TRPV4: variants seen among roughly 807,000 people sequenced by gnomAD.
TRPV4 encodes the protein transient receptor potential cation channel subfamily V member 4.
In TRPV4, 58 loss-of-function variants were observed where a neutral mutation model predicts 84.1. The observed-to-expected ratio is 0.69, with a 90% CI of 0.56 to 0.86. The LOEUF (loss-of-function observed/expected upper bound fraction) is 0.86. TRPV4 is among the 40% of genes least tolerant of loss of function. The pLI, the probability that TRPV4 is intolerant of heterozygous loss-of-function variation, is 0.00. For synonymous variants in TRPV4, 489 were observed against 500.9 expected, an observed-to-expected ratio of 0.98 and a Z score of 0.32; for missense variants, 879 against 1,181.1, an observed-to-expected ratio of 0.74 and a Z score of 3.75.
chr12:109,788,733 G>T lies in TRPV4; in HGVS notation c.1892-17C>A. 1.2e-6 allele frequency: 2 copies of T among 1,613,850 alleles called. No individual in the cohort carries two copies. The highest frequency in any genetic ancestry group is 8.5e-7 in the Non-Finnish European group (1 of 1,179,966). On this transcript the variant is annotated splice_polypyrimidine_tract_variant and intron_variant, in intron 12 of 15. Coordinates refer to ENST00000261740, the MANE Select transcript of TRPV4 (RefSeq NM_021625.5). ...AGACCAGGGCTGTGGGAGGATAGGG[G>T]TGGCACTCACTGAGTGTGAGCACAC...
chr12:109,798,180 C>T lies in TRPV4; in HGVS notation c.1152+434G>A, dbSNP rs1349539017. Among the ~76,000 whole-genome samples the T allele has an allele frequency of 6.6e-6, 1 of 152,196 alleles. No homozygotes were observed. The highest frequency in any genetic ancestry group is 1.5e-5 in the Non-Finnish European group (1 of 68,042). On this transcript the variant is annotated intron_variant, in intron 6 of 15. Coordinates refer to ENST00000261740, the MANE Select transcript of TRPV4 (RefSeq NM_021625.5). This position sits in a 1 kb window ranked among gnomAD's most constrained non-coding sequence, Gnocchi z 5.0. ...GTCTGGCAATAGCACAAGACGGTCCCCACCACAAAGAGCCTGCCGCCCAAA... is the reference window on the plus strand; with the variant it reads ...GTCTGGCAATAGCACAAGACGGTCCTCACCACAAAGAGCCTGCCGCCCAAA...
In TRPV4 at chr12:109,813,673, AATAG is replaced by A. The variant is rs760439965; in HGVS notation, c.386+734_386+737del. 4.9e-4 allele frequency among the ~76,000 whole-genome samples: 74 copies of A among 152,208 alleles called. 1 individual carries two copies. The highest frequency in any genetic ancestry group is 1.4e-3 in the African/African-American group (58 of 41,544). Reference sequence around the variant, plus strand: ...TGGGTAGAGTAATGGATGATGGATTAATAGATAGATGGATGATGAATAGATGGAT... The same window carrying A: ...TGGGTAGAGTAATGGATGATGGATTAATAGATGGATGATGAATAGATGGAT... On this transcript the variant is annotated intron_variant, in intron 2 of 15. Transcript: ENST00000261740.
At chr12:109,797,810 CACTT>C (rs527364102) in intron 6 of TRPV4, among the ~76,000 whole-genome samples, 154 of 152,294 alleles carry the variant, frequency 1.0e-3, no homozygotes, top group African/African-American at 3.2e-3. Context: ...ATGTAAGTGA[CACTT>C]ACTGCTTCTC....
chr12:109,789,124 T>C (rs1889882978), intron 12 of TRPV4, among the ~76,000 whole-genome samples: 1 of 152,130 alleles, frequency 6.6e-6, no homozygotes, highest in Admixed American at 6.6e-5. Context: ...GGTTCCCTGC[T>C]ACCGGGAGGG....
chr12:109,796,623 C>T lies in TRPV4; in HGVS notation c.1234G>A (p.Gly412Arg). 6.2e-7 allele frequency: 1 copy of T among 1,614,188 alleles called. No homozygotes were observed. The highest frequency in any genetic ancestry group is 8.5e-7 in the Non-Finnish European group (1 of 1,180,042). The change falls in exon 7 of 16, where the codon GGG becomes AGG. Residue 412 changes from glycine to arginine, a missense_variant. Gly to Arg is a moderately radical substitution (Grantham distance 125, BLOSUM62 -2). Coordinates refer to ENST00000261740, the MANE Select transcript of TRPV4 (RefSeq NM_021625.5). This position sits in a 1 kb window ranked among gnomAD's most constrained non-coding sequence, Gnocchi z 4.2. Reference protein sequence around the residue: ...LSRKFKDWAYGPVYSSLYDLS... With the variant: ...LSRKFKDWAYRPVYSSLYDLS... Reference sequence around the variant, plus strand: ...TCATAAAGCGAGGAATACACTGGCCCATAGGCCCAGTCCTTGAACTTGCGG... The same window carrying T: ...TCATAAAGCGAGGAATACACTGGCCTATAGGCCCAGTCCTTGAACTTGCGG...
intron 3 of TRPV4, among the ~76,000 whole-genome samples, chr12:109,807,067 G>A (rs1055662164): frequency 6.6e-5 from 10 of 151,924 alleles, no homozygotes; most frequent in Admixed American, 2.6e-4. Context: ...ACCTGAGGTC[G>A]AGAGTTCAAG....
chr12:109,824,954 T>C (rs1367109376), intron 1 of TRPV4, among the ~76,000 whole-genome samples: 2 of 152,100 alleles, frequency 1.3e-5, no homozygotes, highest in African/African-American at 4.8e-5. Context: ...GGTTTCCTTA[T>C]CTGTAAAATG....
intron 5 of TRPV4, among the ~76,000 whole-genome samples, chr12:109,799,712 G>A (rs967603763): frequency 1.3e-5 from 2 of 152,146 alleles, no homozygotes; most frequent in Non-Finnish European, 2.9e-5. Context: ...GGGAAGTGAG[G>A]TCACATGCCT....
intron 3 of TRPV4, among the ~76,000 whole-genome samples, chr12:109,807,898 C>T (rs867741063): frequency 2.6e-5 from 4 of 152,154 alleles, no homozygotes; most frequent in African/African-American, 4.8e-5. Context: ...CAGCTGCCTG[C>T]GCTGGGCTCT....
intron 1 of TRPV4, among the ~76,000 whole-genome samples, chr12:109,819,439 C>T (rs1892004720): frequency 6.6e-6 from 1 of 152,192 alleles, no homozygotes; most frequent in East Asian, 1.9e-4. Flanking sequence ...ACCAGGAGCC[C>T]CTCCACAGTG....
chr12:109,798,493 G>T lies in TRPV4; in HGVS notation c.1152+121C>A. 8.0e-7 allele frequency: 1 copy of T among 1,255,700 alleles called. No individual in the cohort carries two copies. Among genetic ancestry groups the T allele is most frequent in the South Asian group, 1.3e-5 (1 of 76,624 alleles). The allele number at this position is 1,255,700 out of a possible 1,614,324, so 77.8% of individuals were successfully genotyped here. A position where few individuals can be genotyped will look rare whatever the true frequency, so the allele number is the denominator to read the frequency against. ...CTTGAGCTGGGACATCTGCACACTG[G>T]GGTTGGCATGTTGGGAGGTGCATGC... On this transcript the variant is annotated intron_variant, in intron 6 of 15. Coordinates refer to ENST00000261740, the MANE Select transcript of TRPV4 (RefSeq NM_021625.5). This position sits in a 1 kb window ranked among gnomAD's most constrained non-coding sequence, Gnocchi z 5.0.
chr12:109,815,396 C>T lies in TRPV4; in HGVS notation c.-31-569G>A, dbSNP rs1471833667. 6.6e-6 allele frequency among the ~76,000 whole-genome samples: 1 copy of T among 152,244 alleles called. No homozygotes were observed. Among genetic ancestry groups the T allele is most frequent in the Non-Finnish European group, 1.5e-5 (1 of 68,044 alleles). On this transcript the variant is annotated intron_variant, in intron 1 of 15. Coordinates refer to ENST00000261740, the MANE Select transcript of TRPV4 (RefSeq NM_021625.5). The surrounding 1 kb of genome is among the most constrained non-coding windows in gnomAD (Gnocchi z 4.1). ...AGGCACAGGAGGGGCTCAGAAAATC[C>T]ATGTGGACTTGCTGTGTAGGCCGGC...
At chr12:109,792,304 G>T in intron 12 of TRPV4, 59 bp downstream of exon 12, 1 of 1,394,204 alleles carries the variant, frequency 7.2e-7, no homozygotes, top group Non-Finnish European at 1.0e-6. Flanking sequence ...ATACATCATG[G>T]CTACTGTTCC....
chr12:109,795,511 C>T (rs1425942132), intron 7 of TRPV4, among the ~76,000 whole-genome samples: 2 of 152,158 alleles, frequency 1.3e-5, no homozygotes, highest in South Asian at 2.1e-4. Context: ...CCTTTATTAA[C>T]TTGAGTTTCT....
intron 1 of TRPV4, among the ~76,000 whole-genome samples, chr12:109,831,053 C>A (rs576694815): frequency 3.3e-5 from 5 of 152,202 alleles, no homozygotes; most frequent in Non-Finnish European, 7.3e-5. Flanking sequence ...AGACAAACAA[C>A]CGTGTCACTC....
rs192154494 is a variant in TRPV4 at position 109,821,177 on chromosome 12, G to A, written c.-31-6350C>T. On this transcript the variant is annotated intron_variant, in intron 1 of 15. Coordinates refer to ENST00000261740, the MANE Select transcript of TRPV4 (RefSeq NM_021625.5). ...AAACCTGCTCCGCCCCAGCGGGGAG[G>A]AATCCAGGGAGCTGGTTTCTCCCGG... Among the ~76,000 whole-genome samples, 852 of 152,388 alleles carry A rather than the reference G, an allele frequency of 5.6e-3. 4 individuals are homozygous for A. The highest frequency in any genetic ancestry group is 0.01 in the Middle Eastern group (3 of 294).
rs754871908 is a variant in TRPV4 at position 109,783,817 on chromosome 12, G to A, written c.2459-39C>T. 9 of 1,604,952 alleles carry A rather than the reference G, an allele frequency of 5.6e-6. No individual in the cohort carries two copies. Among genetic ancestry groups the A allele is most frequent in the Non-Finnish European group, 7.6e-6 (9 of 1,179,512 alleles). On this transcript the variant is annotated intron_variant, in intron 15 of 15. Coordinates refer to ENST00000261740, the MANE Select transcript of TRPV4 (RefSeq NM_021625.5). This position sits in a 1 kb window ranked among gnomAD's most constrained non-coding sequence, Gnocchi z 4.6. ...ACATCAGAGGGAGGGGTGGGGGTTGGTGGAGAGAGAGCGTGCGTATATTGA... is the reference window on the plus strand; with the variant it reads ...ACATCAGAGGGAGGGGTGGGGGTTGATGGAGAGAGAGCGTGCGTATATTGA...
chr12:109,812,604 CAG>C (rs1891588639), intron 2 of TRPV4, among the ~76,000 whole-genome samples: 2 of 151,656 alleles, frequency 1.3e-5, no homozygotes, highest in South Asian at 4.2e-4. Context: ...AATGGATGGA[CAG>C]AGATCTGGGT....
chr12:109,812,754 G>A (rs1442784878), intron 2 of TRPV4, among the ~76,000 whole-genome samples: 1 of 152,230 alleles, frequency 6.6e-6, no homozygotes, highest in Non-Finnish European at 1.5e-5. Flanking sequence ...TGAATGGCTA[G>A]ATGACTAGAA....
Sources: gnomAD v4.1 joint callset for allele counts (sites outside exome capture counted in the v4.1 genomes callset) on GRCh38, gnomAD v4.1.1 for gene constraint, Gnocchi (gnomAD v3.1) non-coding constraint, MANE v1.5 for transcripts, NCBI Gene and HGNC (gene_info 2026-07-23, HGNC 2026-07-21) for gene names.